NAV1: variants seen among roughly 807,000 people sequenced by gnomAD.
NAV1 encodes the protein pore membrane and/or filament interacting like protein 3.
A neutral mutation model predicts 175.2 loss-of-function variants in NAV1; 18 were observed. That is an observed-to-expected ratio of 0.10 (90% CI 0.07 to 0.15). NAV1 has a LOEUF of 0.15. Ranked by LOEUF, NAV1 falls within the 10% of genes least tolerant of loss-of-function variation. NAV1 has a pLI of 1.00. For synonymous variants in NAV1, 897 were observed against 978.7 expected (o/e 0.92, Z 1.56); for missense variants, 1,731 against 2,436.6 (o/e 0.71, Z 6.10).
chr1:201,661,767 C>A (rs1571869740), intron 1 of NAV1, among the ~76,000 whole-genome samples: 1 of 152,154 alleles, frequency 6.6e-6, no homozygotes, highest in Non-Finnish European at 1.5e-5. Context: ...CCCCTCCGCT[C>A]ACCCTCAGCC....
chr1:201,672,499 G>A (rs187598121), intron 1 of NAV1, among the ~76,000 whole-genome samples: 6 of 152,280 alleles, frequency 3.9e-5, no homozygotes, highest in South Asian at 4.1e-4. Flanking sequence ...TGTTCTGGGT[G>A]CTTTATGTAT....
intron 3 of NAV1, among the ~76,000 whole-genome samples, chr1:201,746,760 G>A (rs1673793466): frequency 6.6e-6 from 1 of 152,142 alleles, no homozygotes; most frequent in Non-Finnish European, 1.5e-5. Context: ...CAGCACTTTG[G>A]GAGGCTGAGG....
Position 201,807,851 on chromosome 1 carries a change from C to A in NAV1, c.3649-102C>A. On this transcript the variant is annotated intron_variant, in intron 17 of 29. Transcript: ENST00000367296. The surrounding 1 kb of genome is among the most constrained non-coding windows in gnomAD (Gnocchi z 5.4). The stretch of plus-strand genomic sequence containing the variant: ...GAGGGTGGCTTAATTAAAGTAAATC[C>A]CCCGCCTCCAGCTCTCTCTGTCTCA... The A allele has an allele frequency of 5.3e-6, 6 of 1,135,102 alleles. No homozygotes were observed. Among genetic ancestry groups the A allele is most frequent in the Non-Finnish European group, 7.8e-6 (6 of 772,822 alleles). The allele number at this position is 1,135,102 out of a possible 1,614,324, so 70.3% of individuals were successfully genotyped here. A position where few individuals can be genotyped will look rare whatever the true frequency, so the allele number is the denominator to read the frequency against.
Position 201,718,832 on chromosome 1 carries a change from T to C in NAV1, c.1226+77T>C. The C allele has an allele frequency of 6.5e-7, 1 of 1,530,378 alleles. No homozygotes were observed. Among genetic ancestry groups the C allele is most frequent in the Non-Finnish European group, 8.8e-7 (1 of 1,133,254 alleles). 94.8% of individuals were successfully genotyped at this position (1,530,378 alleles called of 1,614,324 possible). On this transcript the variant is annotated intron_variant, in intron 3 of 29. Coordinates refer to ENST00000367296, the Ensembl canonical transcript of NAV1. This position sits in a 1 kb window ranked among gnomAD's most constrained non-coding sequence, Gnocchi z 4.8. ...GGGATGCGACGCCTTAAAAGTGGAG[T>C]GGAACCCAAAACGGGTTTTGGTTTG...
Position 201,788,299 on chromosome 1 carries a change from T to C in NAV1, c.2996-169T>C, listed in dbSNP as rs1676895636. On this transcript the variant is annotated intron_variant, in intron 9 of 29. Coordinates refer to ENST00000367296, the Ensembl canonical transcript of NAV1. The surrounding 1 kb of genome is among the most constrained non-coding windows in gnomAD (Gnocchi z 5.7). ...AGGGACCCCGCTCCTAACCACCAGC[T>C]GCTTGCACACTCCCACCACCGCACC... 6.6e-6 allele frequency among the ~76,000 whole-genome samples: 1 copy of C among 152,092 alleles called. No homozygotes were observed. The highest frequency in any genetic ancestry group is 6.6e-5 in the Admixed American group (1 of 15,266).
intron 1 of NAV1, among the ~76,000 whole-genome samples, chr1:201,547,587 C>T (rs1277641693): frequency 6.6e-6 from 1 of 152,050 alleles, no homozygotes; most frequent in Non-Finnish European, 1.5e-5. Flanking sequence ...AACAACTTAG[C>T]GAGATAGGTA....
intron 1 of NAV1, among the ~76,000 whole-genome samples, chr1:201,661,677 T>C (rs1443721548): frequency 2.0e-5 from 3 of 152,152 alleles, no homozygotes; most frequent in Non-Finnish European, 4.4e-5. Flanking sequence ...GGGAAAGGAC[T>C]GGTGCAGAGG....
intron 1 of NAV1, among the ~76,000 whole-genome samples, chr1:201,566,648 C>T (rs1482559974): frequency 6.6e-6 from 1 of 152,162 alleles, no homozygotes; most frequent in East Asian, 1.9e-4. Context: ...CACAGGTGCC[C>T]CATCCATGGT....
chr1:201,599,020 G>T (rs1301704905), intron 2 of NAV1, among the ~76,000 whole-genome samples: 1 of 152,164 alleles, frequency 6.6e-6, no homozygotes, highest in African/African-American at 2.4e-5. Flanking sequence ...CCTCTAGTGG[G>T]GACAGGACTT....
chr1:201,658,068 C>T (rs1010076568), intron 1 of NAV1, among the ~76,000 whole-genome samples: 30 of 152,062 alleles, frequency 2.0e-4, no homozygotes, highest in African/African-American at 7.0e-4. Flanking sequence ...GTAAAGCAAG[C>T]GAGCAACAGA....
At chr1:201,555,676 G>A (rs1333703017) in intron 1 of NAV1, among the ~76,000 whole-genome samples, 1 of 152,088 alleles carries the variant, frequency 6.6e-6, no homozygotes, top group African/African-American at 2.4e-5. Context: ...GGCTCAGAAG[G>A]AGGGAGGGCT....
At chr1:201,817,270 G>A (rs766730661) in exon 29 of NAV1, 2 of 1,614,014 alleles carry the variant, frequency 1.2e-6, no homozygotes, top group Admixed American at 3.3e-5. Flanking sequence ...CAAGTTCTCT[G>A]GACTCAGATC....
chr1:201,743,892 AT>A (rs1031626391), intron 3 of NAV1, among the ~76,000 whole-genome samples: 2 of 151,932 alleles, frequency 1.3e-5, no homozygotes, highest in African/African-American at 4.8e-5. Context: ...TTAAAAGATG[AT>A]TTTTTTTGTT....
At chr1:201,744,088 T>G (rs1673608331) in intron 3 of NAV1, among the ~76,000 whole-genome samples, 2 of 152,186 alleles carry the variant, frequency 1.3e-5, no homozygotes, top group Non-Finnish European at 2.9e-5. Context: ...ATCTCTATGT[T>G]GGTCAGGCTG....
intron 2 of NAV1, among the ~76,000 whole-genome samples, chr1:201,616,881 A>G (rs1668018672): frequency 6.6e-6 from 1 of 152,150 alleles, no homozygotes; most frequent in African/African-American, 2.4e-5. Flanking sequence ...GCTCCTAGAG[A>G]GCAGAACCTG....
upstream of NAV1, among the ~76,000 whole-genome samples, chr1:201,648,068 G>C (rs1669035687): frequency 1.5e-5 from 2 of 136,410 alleles, no homozygotes. Flanking sequence ...TCCCGAGCCA[G>C]AAATAGACAC....
intron 2 of NAV1, among the ~76,000 whole-genome samples, chr1:201,716,899 AAG>A (rs1672164573): frequency 6.6e-6 from 1 of 152,102 alleles, no homozygotes; most frequent in Non-Finnish European, 1.5e-5. Context: ...AATAAGTAAA[AAG>A]AGTTGGCAGG....
At chr1:201,726,613 A>C (rs1335119016) in intron 3 of NAV1, among the ~76,000 whole-genome samples, 1 of 144,346 alleles carries the variant, frequency 6.9e-6, no homozygotes, top group African/African-American at 2.6e-5. Context: ...GCACCACTCC[A>C]CTCCAGCCTG....
chr1:201,723,810 T>C (rs1362623719), intron 3 of NAV1: 2 of 152,346 alleles, frequency 1.3e-5, no homozygotes, highest in African/African-American at 4.8e-5. Context: ...AGTTTCTAAA[T>C]ATTCAACTGA....
Sources: gnomAD v4.1 joint callset for allele counts (sites outside exome capture counted in the v4.1 genomes callset) on GRCh38, gnomAD v4.1.1 for gene constraint, Gnocchi (gnomAD v3.1) non-coding constraint, MANE v1.5 for transcripts, NCBI Gene and HGNC (gene_info 2026-07-23, HGNC 2026-07-21) for gene names.